The following TBCD variants were observed in gnomAD, a reference collection of about 807,000 sequenced individuals.
TBCD encodes the protein tubulin folding cofactor D.
TBCD carries 105 observed loss-of-function variants against 169.3 expected under a neutral mutation model. The observed-to-expected ratio is 0.62, with a 90% CI of 0.53 to 0.73. The LOEUF is 0.73. Ranked by LOEUF, TBCD falls within the 30% of genes least tolerant of loss-of-function variation. The probability of loss-of-function intolerance (pLI) is 0.00; values close to 1 mark genes in which losing one functional copy is unlikely to be tolerated. For synonymous variants in TBCD, 700 were observed against 643.9 expected, an observed-to-expected ratio of 1.09 and a Z score of -1.32; for missense variants, 1,444 against 1,600.1, an observed-to-expected ratio of 0.90 and a Z score of 1.66.
chr17:82,867,389 C>G (rs537332472), intron 13 of TBCD, among the ~76,000 whole-genome samples: 1 of 152,320 alleles, frequency 6.6e-6, no homozygotes, highest in Non-Finnish European at 1.5e-5. Context: ...ATGGAGTTGC[C>G]GGGTGGTCGT....
chr17:82,761,373 T>G (rs1310330360), intron 2 of TBCD, among the ~76,000 whole-genome samples: 1 of 152,210 alleles, frequency 6.6e-6, no homozygotes, highest in Non-Finnish European at 1.5e-5. Context: ...TTATTGAGTT[T>G]TAATTTTATT....
chr17:82,807,297 C>G (rs1023934747), intron 10 of TBCD, among the ~76,000 whole-genome samples: 7 of 152,200 alleles, frequency 4.6e-5, no homozygotes, highest in African/African-American at 1.7e-4. Context: ...CCGTGAGCTG[C>G]GGGCTCTTCC....
chr17:82,846,284 AGCCC>A lies in TBCD; in HGVS notation c.1319-23939_1319-23936del, dbSNP rs1487588260. Among the ~76,000 whole-genome samples, 1,242 of 143,034 alleles carry A rather than the reference AGCCC, an allele frequency of 8.7e-3. 44 individuals carry two copies. The highest frequency in any genetic ancestry group is 0.013 in the Non-Finnish European group (828 of 64,022). The allele number at this position is 143,034 out of a possible 152,430, so 93.8% of individuals were successfully genotyped here. A position where few individuals can be genotyped will look rare whatever the true frequency, so the allele number is the denominator to read the frequency against. On this transcript the variant is annotated intron_variant, in intron 13 of 38. Transcript: ENST00000355528. ...TCCTCTGTGCTGTGTCCTCTTGTCCAGCCCTCTGCTGCCCCCTCCACGTGCTGCG... is the reference window on the plus strand; with the variant it reads ...TCCTCTGTGCTGTGTCCTCTTGTCCATCTGCTGCCCCCTCCACGTGCTGCG...
At chr17:82,935,423 G>A (rs766090093) in intron 34 of TBCD, among the ~76,000 whole-genome samples, 1 of 151,890 alleles carries the variant, frequency 6.6e-6, no homozygotes, top group Non-Finnish European at 1.5e-5. Context: ...AATCCCCTTG[G>A]TTCTCAGCCT....
At chr17:82,919,774 T>C (rs1262631095) in intron 23 of TBCD, among the ~76,000 whole-genome samples, 1 of 152,094 alleles carries the variant, frequency 6.6e-6, no homozygotes, top group Admixed American at 6.6e-5. Context: ...AGTGGCAGTA[T>C]CTGTGACGAT....
intron 12 of TBCD, among the ~76,000 whole-genome samples, chr17:82,810,373 T>G (rs537996608): frequency 6.6e-6 from 1 of 152,222 alleles, no homozygotes; most frequent in South Asian, 2.1e-4. Context: ...GCCAGGAGTT[T>G]GAGGCTTCAT....
In TBCD at chr17:82,812,285, G is replaced by A. The variant is rs945584976; in HGVS notation, c.1223+2503G>A. On this transcript the variant is annotated intron_variant, in intron 12 of 38. Transcript: ENST00000355528. ...TCTTCTGAGACACTCGGTGTGGAGC[G>A]TCTGGAAGCCACGGCACTACGCTGT... Among the ~76,000 whole-genome samples, 3 of 152,288 alleles carry A rather than the reference G, an allele frequency of 2.0e-5. No homozygotes were observed. In the East Asian group the frequency reaches 5.8e-4, roughly 29 times the overall value.
intron 1 of TBCD, among the ~76,000 whole-genome samples, chr17:82,753,750 G>T (rs904403137): frequency 1.3e-5 from 2 of 151,886 alleles, no homozygotes; most frequent in African/African-American, 4.8e-5. Context: ...ACTGCGCTCG[G>T]CCCCAGTGGG....
At chr17:82,785,836 C>T (rs1193532606) in intron 7 of TBCD, among the ~76,000 whole-genome samples, 2 of 142,372 alleles carry the variant, frequency 1.4e-5, no homozygotes, top group South Asian at 2.3e-4. Flanking sequence ...CCACTGGACC[C>T]GACCCATCGC....
chr17:82,866,555 G>T (rs758117900), intron 13 of TBCD, among the ~76,000 whole-genome samples: 1 of 152,372 alleles, frequency 6.6e-6, no homozygotes, highest in East Asian at 1.9e-4. Flanking sequence ...GTCTCTTGCG[G>T]GTGTCATGGA....
At chr17:82,825,475 C>T (rs1005993085) in intron 13 of TBCD, among the ~76,000 whole-genome samples, 1 of 152,090 alleles carries the variant, frequency 6.6e-6, no homozygotes, top group South Asian at 2.1e-4. Flanking sequence ...CCCAGGTGAG[C>T]GACTCAGCAC....
chr17:82,804,495 C>T (rs115065377), intron 9 of TBCD, among the ~76,000 whole-genome samples: 2,108 of 152,300 alleles, frequency 0.014, 52 homozygotes, highest in African/African-American at 0.047. Context: ...CCTGAGGCTT[C>T]TTGAAGGCGC....
At chr17:82,900,499 G>A (rs2059814134) in intron 17 of TBCD, 152 bp from the exon 18 acceptor site, 7 of 630,624 alleles carry the variant, frequency 1.1e-5, no homozygotes, top group Non-Finnish European at 2.0e-5. Flanking sequence ...TTTTCTTTTG[G>A]GTAACTGCTC....
chr17:82,867,698 C>T (rs770668165), intron 13 of TBCD, among the ~76,000 whole-genome samples: 1 of 152,228 alleles, frequency 6.6e-6, no homozygotes, highest in Non-Finnish European at 1.5e-5. Flanking sequence ...CTTTTTCTGT[C>T]TCACAGCCGC....
chr17:82,760,142 G>A (rs2143875209), intron 2 of TBCD, among the ~76,000 whole-genome samples: 1 of 151,970 alleles, frequency 6.6e-6, no homozygotes, highest in African/African-American at 2.4e-5. Context: ...CCAAAGTGCT[G>A]GAATTAGAGG....
chr17:82,754,358 TC>T, intron 1 of TBCD, among the ~76,000 whole-genome samples: 1 of 152,286 alleles, frequency 6.6e-6, no homozygotes, highest in Admixed American at 6.5e-5. Flanking sequence ...GGTGGAGCTA[TC>T]ATGGGTCCGT....
chr17:82,777,867 G>A (rs903113156), intron 6 of TBCD, among the ~76,000 whole-genome samples: 6 of 151,960 alleles, frequency 3.9e-5, no homozygotes, highest in African/African-American at 9.7e-5. Context: ...TCTCTTTCCC[G>A]GTCCGCTAAG....
At chr17:82,881,644 G>A (rs2058358265) in intron 14 of TBCD, among the ~76,000 whole-genome samples, 1 of 152,240 alleles carries the variant, frequency 6.6e-6, no homozygotes, top group Non-Finnish European at 1.5e-5. Context: ...CCGTGTTTTG[G>A]GCTGCGTTGA....
chr17:82,865,426 T>C (rs1469627734), intron 13 of TBCD: 1 of 978,166 alleles, frequency 1.0e-6, no homozygotes, highest in Non-Finnish European at 1.2e-6. Flanking sequence ...TGCAGGGGCC[T>C]GAGCAGTCGG....
Sources: allele counts gnomAD v4.1 joint callset (sites outside exome capture counted in the v4.1 genomes callset), GRCh38; gene constraint gnomAD v4.1.1; transcripts MANE v1.5; gene names NCBI Gene and HGNC (gene_info 2026-07-23, HGNC 2026-07-21).